NEK1: variants seen among roughly 807,000 people sequenced by gnomAD.
NEK1 encodes the protein NIMA related kinase 1, also known as serine/threonine-protein kinase Nek1.
NEK1 carries 137 observed loss-of-function variants against 182.1 expected under a neutral mutation model. The observed-to-expected ratio is 0.75, with a 90% CI of 0.65 to 0.87. The LOEUF (loss-of-function observed/expected upper bound fraction) is 0.87, where lower values mean the gene tolerates loss of function less well. Among genes scored for constraint, NEK1 ranks in the 40% least tolerant of loss-of-function variants. The pLI is 0.00. For missense variants in NEK1, 1,391 were observed against 1,494.4 expected (o/e 0.93, Z 1.14); for synonymous variants, 513 against 492.2 (o/e 1.04, Z -0.56).
chr4:169,603,313 A>G lies in NEK1; in HGVS notation c.-48-635T>C, dbSNP rs573203342. On this transcript the variant is annotated intron_variant, in intron 2 of 35. Coordinates refer to ENST00000507142, the MANE Select transcript of NEK1 (RefSeq NM_001199397.3). ...ATTTCTTGTATTTAGGGAGATGTTT[A>G]CTGTAATGTCATTTATAACAACAAA... 2.4e-3 allele frequency among the ~76,000 whole-genome samples: 365 copies of G among 152,310 alleles called. 1 individual carries two copies. The highest frequency in any genetic ancestry group is 3.8e-3 in the Non-Finnish European group (258 of 68,018).
At position 169,484,355 on chromosome 4, in the gene NEK1, G is replaced by A. The variant is rs572177096; in HGVS notation, c.2008-4821C>T. 2.6e-5 allele frequency among the ~76,000 whole-genome samples: 4 copies of A among 152,226 alleles called. No individual in the cohort carries two copies. The East Asian group carries it at 5.8e-4, about 22-fold the overall frequency. ...GCCACCGCGTTTGGCCTGCTATTTCGATACATCAATCTGACACGATTTCTG... is the reference window on the plus strand; with the variant it reads ...GCCACCGCGTTTGGCCTGCTATTTCAATACATCAATCTGACACGATTTCTG... On this transcript the variant is annotated intron_variant, in intron 23 of 35. Transcript: ENST00000507142.
chr4:169,526,346 A>C (rs374837192), intron 19 of NEK1, among the ~76,000 whole-genome samples: 6 of 152,228 alleles, frequency 3.9e-5, no homozygotes, highest in African/African-American at 1.4e-4. Context: ...AAAATTAGCC[A>C]CGCATGATGG....
intron 27 of NEK1, among the ~76,000 whole-genome samples, chr4:169,452,610 A>G (rs888822684): frequency 1.3e-5 from 2 of 152,228 alleles, no homozygotes; most frequent in African/African-American, 4.8e-5. Context: ...ACAAAATTCA[A>G]CAGCCCTTCA....
In NEK1 at chr4:169,490,167, C is replaced by T. The variant is rs78679569; in HGVS notation, c.2008-10633G>A. ...CCTACAGTCATGGCTAAAGTACCTG[C>T]AGCCATTACTCAAATTGATTACAAC... On this transcript the variant is annotated intron_variant, in intron 23 of 35. Transcript: ENST00000507142. Among the ~76,000 whole-genome samples the T allele has an allele frequency of 1.8e-4, 27 of 152,294 alleles. No homozygotes were observed. In the East Asian group the frequency reaches 5.0e-3, roughly 28 times the overall value.
At chr4:169,502,033 AAC>A (rs758732700) in intron 23 of NEK1, among the ~76,000 whole-genome samples, 1 of 152,044 alleles carries the variant, frequency 6.6e-6, no homozygotes, top group African/African-American at 2.4e-5. Flanking sequence ...AAGATTCATA[AAC>A]ACAGTCAGAA....
chr4:169,527,138 C>G (rs1757006383), intron 19 of NEK1, among the ~76,000 whole-genome samples: 1 of 152,086 alleles, frequency 6.6e-6, no homozygotes, highest in South Asian at 2.1e-4. Context: ...TCACTGAAAA[C>G]TATGGAGGAT....
chr4:169,419,773 T>C (rs1257640674), intron 31 of NEK1, among the ~76,000 whole-genome samples: 1 of 152,228 alleles, frequency 6.6e-6, no homozygotes, highest in Non-Finnish European at 1.5e-5. Flanking sequence ...CTATTGTTCC[T>C]AGGCTACAAA....
At chr4:169,552,682 T>A (rs905192583) in intron 18 of NEK1, among the ~76,000 whole-genome samples, 1 of 152,084 alleles carries the variant, frequency 6.6e-6, no homozygotes, top group Non-Finnish European at 1.5e-5. Context: ...TGATTGTCTA[T>A]GTAGAAAATT....
intron 16 of NEK1, among the ~76,000 whole-genome samples, chr4:169,560,273 T>C (rs1237218124): frequency 6.6e-6 from 1 of 152,204 alleles, no homozygotes; most frequent in East Asian, 1.9e-4. Flanking sequence ...TACTGGTTCT[T>C]GGCAGAATTA....
In NEK1 at chr4:169,438,665, G is replaced by GA. The variant is rs940113809; in HGVS notation, c.2588-407dup. Among the ~76,000 whole-genome samples, 13 of 150,700 alleles carry GA rather than the reference G, an allele frequency of 8.6e-5. No individual in the cohort carries two copies. The East Asian group carries it at 1.2e-3, about 14-fold the overall frequency. ...AGACAGGTTCAAAAAAGAATAAAAA[G>GA]AAAAAAAAACTACCTCAGAATAGCT... On this transcript the variant is annotated intron_variant, in intron 27 of 35. Coordinates refer to ENST00000507142, the MANE Select transcript of NEK1 (RefSeq NM_001199397.3).
At chr4:169,507,356 G>A (rs1393379575) in intron 22 of NEK1, among the ~76,000 whole-genome samples, 2 of 151,690 alleles carry the variant, frequency 1.3e-5, no homozygotes, top group Non-Finnish European at 2.9e-5. Flanking sequence ...TGAAAATAAA[G>A]GCAGGTATAT....
rs189016156 is a variant in NEK1, at chr4:169,542,843, G to T, written c.1563-4932C>A. Among the ~76,000 whole-genome samples, 554 of 151,296 alleles carry T rather than the reference G, an allele frequency of 3.7e-3. 3 individuals carry two copies. Among genetic ancestry groups the T allele is most frequent in the Non-Finnish European group, 6.3e-3 (425 of 67,572 alleles). ...TATCCTTTGCCCGCTTATTGATGGG[G>T]TTTTTTCTTGTAAATTTAAGTTATT... On this transcript the variant is annotated intron_variant, in intron 18 of 35. Coordinates refer to ENST00000507142, the MANE Select transcript of NEK1 (RefSeq NM_001199397.3).
intron 2 of NEK1, among the ~76,000 whole-genome samples, chr4:169,603,917 T>C (rs1276867851): frequency 6.6e-6 from 1 of 152,122 alleles, no homozygotes; most frequent in Non-Finnish European, 1.5e-5. Context: ...TGTTGGCTGG[T>C]CTTGAACTCC....
At chr4:169,581,221 A>G (rs763269783) in intron 10 of NEK1, among the ~76,000 whole-genome samples, 2 of 151,888 alleles carry the variant, frequency 1.3e-5, no homozygotes, top group Non-Finnish European at 2.9e-5. Flanking sequence ...TCCATTCAAT[A>G]AATTCCTCTC....
rs532816885 is a variant in NEK1 at position 169,532,072 on chromosome 4, G to T, written c.1665+5737C>A. 2.0e-5 allele frequency among the ~76,000 whole-genome samples: 3 copies of T among 152,266 alleles called. No homozygotes were observed. In the East Asian group the frequency reaches 5.8e-4, roughly 29 times the overall value. The stretch of plus-strand genomic sequence containing the variant: ...CTATAGTAACAGGAAATAGATCAGT[G>T]GTTGCCTACGGCTGATGGCGGTGAG... On this transcript the variant is annotated intron_variant, in intron 19 of 35. Transcript: ENST00000507142.
At chr4:169,550,283 T>C (rs954070015) in intron 18 of NEK1, among the ~76,000 whole-genome samples, 7 of 152,226 alleles carry the variant, frequency 4.6e-5, no homozygotes, top group Non-Finnish European at 8.8e-5. Context: ...TCTACCATGA[T>C]TGTGAGGCCT....
intron 18 of NEK1, among the ~76,000 whole-genome samples, chr4:169,544,639 T>G (rs1760067571): frequency 7.7e-6 from 1 of 129,168 alleles, no homozygotes; most frequent in African/African-American, 2.7e-5. Context: ...GGTAGGCTAT[T>G]AATTACTGCC....
chr4:169,406,884 C>CAT, intron 31 of NEK1, 137 bp from the exon 32 acceptor site: 1 of 410,666 alleles, frequency 2.4e-6, no homozygotes, highest in Non-Finnish European at 4.1e-6. Context: ...ATATATGTAA[C>CAT]ATATATATGT....
chr4:169,518,661 C>G (rs1755541688), intron 19 of NEK1, among the ~76,000 whole-genome samples: 1 of 100,668 alleles, frequency 9.9e-6, no homozygotes, highest in Non-Finnish European at 1.8e-5. Context: ...AAATTTCCCT[C>G]TACACACTGC....
Sources: allele counts gnomAD v4.1 joint callset (sites outside exome capture counted in the v4.1 genomes callset), GRCh38; gene constraint gnomAD v4.1.1; transcripts MANE v1.5; gene names NCBI Gene and HGNC (gene_info 2026-07-23, HGNC 2026-07-21).